Variants in ACER1 observed in about 807,000 individuals in gnomAD.
ACER1 encodes alkaline ceramidase 1.
Under a neutral mutation model 24.9 loss-of-function variants are expected in ACER1, and 28 were observed. The observed-to-expected ratio is 1.13, with a 90% confidence interval of 0.83 to 1.54. ACER1 has a LOEUF of 1.54. Ranked by LOEUF, ACER1 falls within the 40% of genes most tolerant of loss-of-function variation. The pLI is 0.00. For missense variants in ACER1, 352 were observed against 349.3 expected (o/e 1.01, Z -0.06); for synonymous variants, 132 against 131.4 (o/e 1.00, Z -0.03).
the ACER1 span, among the ~76,000 whole-genome samples, chr19:6,358,408 C>T: frequency 2.6e-5 from 4 of 152,140 alleles, no homozygotes; most frequent in South Asian, 2.1e-4. Flanking sequence ...TGTCTGTGTC[C>T]CCTTCTATCT....
chr19:6,351,913 G>A, the ACER1 span, among the ~76,000 whole-genome samples: 560 of 151,462 alleles, frequency 3.7e-3, 1 homozygote, highest in Non-Finnish European at 5.5e-3. Flanking sequence ...AAAATTAGCC[G>A]GGCTTGGTGG....
At chr19:6,356,468 T>TTAAAAA in the ACER1 span, among the ~76,000 whole-genome samples, 3,035 of 146,878 alleles carry the variant, frequency 0.021, 38 homozygotes, top group Non-Finnish European at 0.032. Context: ...GAATGATCAA[T>TTAAAAA]AAAAAAATAA....
At chr19:6,330,015 C>A (rs1568313429) in intron 1 of ACER1, among the ~76,000 whole-genome samples, 1 of 151,348 alleles carries the variant, frequency 6.6e-6, no homozygotes, top group African/African-American at 2.4e-5. Context: ...GGACCACAGG[C>A]GCCCGCCACC....
At chr19:6,323,344 CT>C (rs1162307533) in intron 1 of ACER1, among the ~76,000 whole-genome samples, 13 of 151,332 alleles carry the variant, frequency 8.6e-5, no homozygotes, top group Non-Finnish European at 1.9e-4. Flanking sequence ...GGTGTGAACC[CT>C]AGGGGGCAGA....
At chr19:6,323,061 G>A (rs1314483583) in intron 1 of ACER1, among the ~76,000 whole-genome samples, 1 of 152,038 alleles carries the variant, frequency 6.6e-6, no homozygotes, top group African/African-American at 2.4e-5. Flanking sequence ...TCGGTGAACG[G>A]AGATCACGCC....
chr19:6,316,079 G>A (rs1168831672), intron 1 of ACER1, among the ~76,000 whole-genome samples: 2 of 152,142 alleles, frequency 1.3e-5, no homozygotes, highest in Non-Finnish European at 2.9e-5. Context: ...AGTGAGCTGA[G>A]ATTGTTGCAC....
At chr19:6,323,145 G>A (rs574273528) in intron 1 of ACER1, among the ~76,000 whole-genome samples, 268 of 151,848 alleles carry the variant, frequency 1.8e-3, no homozygotes, top group African/African-American at 6.2e-3. Context: ...AACAGGCAGG[G>A]CGCAGTGGTT....
At chr19:6,316,811 C>A (rs778199124) in intron 1 of ACER1, among the ~76,000 whole-genome samples, 13 of 144,878 alleles carry the variant, frequency 9.0e-5, no homozygotes, top group Non-Finnish European at 1.9e-4. Flanking sequence ...CAGAGCGAGA[C>A]TCCCTCTCAA....
chr19:6,342,683 C>T, the ACER1 span, among the ~76,000 whole-genome samples: 2 of 151,738 alleles, frequency 1.3e-5, no homozygotes, highest in South Asian at 4.2e-4. Context: ...CGTGCCACTG[C>T]ACTCCAGTCT....
At chr19:6,307,334 C>T in intron 4 of ACER1, 44 bp from the exon 5 acceptor site, 3 of 1,605,638 alleles carry the variant, frequency 1.9e-6, no homozygotes, top group East Asian at 2.2e-5. Context: ...CGGAGAGCAG[C>T]ACCTGATGGG....
At chr19:6,331,174 G>A (rs2091684826) in intron 1 of ACER1, among the ~76,000 whole-genome samples, 1 of 137,636 alleles carries the variant, frequency 7.3e-6, no homozygotes, top group East Asian at 2.1e-4. Flanking sequence ...TTTTTGAGAT[G>A]AGGTCTCGCT....
chr19:6,344,835 AT>A, the ACER1 span, among the ~76,000 whole-genome samples: 1 of 94,362 alleles, frequency 1.1e-5, no homozygotes, highest in Non-Finnish European at 1.8e-5. Flanking sequence ...CAATCAATTT[AT>A]TTTATTTTAT....
At chr19:6,312,556 T>C in intron 1 of ACER1, 57 bp from the exon 2 acceptor site, 1 of 1,414,690 alleles carries the variant, frequency 7.1e-7, no homozygotes, top group Non-Finnish European at 1.0e-6. Context: ...CGGAGGAGGC[T>C]GCCCTCTGTC....
rs2091583044 is a variant in ACER1 at position 6,311,742 on chromosome 19, G to A, written c.350+407C>T. Among the ~76,000 whole-genome samples, 4 of 151,900 alleles carry A rather than the reference G, an allele frequency of 2.6e-5. No individual in the cohort carries two copies. The South Asian group carries it at 8.3e-4, about 32-fold the overall frequency. ...TTCACAGGGGTCAAGGGTGGGAGTG[G>A]GGATCAATTAGATCAAGAGAGGGAC... On this transcript the variant is annotated intron_variant, in intron 3 of 5. Transcript: ENST00000301452.
chr19:6,349,461 G>GAGGAAGGGAGGGAGGGAAGA, the ACER1 span, among the ~76,000 whole-genome samples: 7 of 137,756 alleles, frequency 5.1e-5, no homozygotes, highest in African/African-American at 1.1e-4. Flanking sequence ...AGGAAGGAAG[G>GAGGAAGGGAGGGAGGGAAGA]AAGGAAAGAA....
the ACER1 span, among the ~76,000 whole-genome samples, chr19:6,340,443 C>T: frequency 6.6e-6 from 1 of 152,096 alleles, no homozygotes; most frequent in Non-Finnish European, 1.5e-5. Flanking sequence ...CATTTAGCTA[C>T]AGCCCTAGCC....
chr19:6,319,344 C>T (rs1205145066), intron 1 of ACER1, among the ~76,000 whole-genome samples: 4 of 152,110 alleles, frequency 2.6e-5, no homozygotes, highest in Non-Finnish European at 4.4e-5. Flanking sequence ...TCAGCCCCCA[C>T]GTTCCCTGCT....
intron 1 of ACER1, among the ~76,000 whole-genome samples, chr19:6,319,746 C>T (rs1285357087): frequency 6.6e-6 from 1 of 152,028 alleles, no homozygotes; most frequent in African/African-American, 2.4e-5. Flanking sequence ...CCCCTCCCCA[C>T]CCTGTATCTA....
At chr19:6,328,217 G>A (rs567862005) in intron 1 of ACER1, among the ~76,000 whole-genome samples, 2 of 151,992 alleles carry the variant, frequency 1.3e-5, no homozygotes, top group Non-Finnish European at 2.9e-5. Context: ...TTGGCCAGGC[G>A]TGGTGGCTCA....
Sources: gnomAD v4.1 joint callset for allele counts (sites outside exome capture counted in the v4.1 genomes callset) on GRCh38, gnomAD v4.1.1 for gene constraint, MANE v1.5 for transcripts, NCBI Gene and HGNC (gene_info 2026-07-23, HGNC 2026-07-21) for gene names.